Variants in OPCML observed in about 807,000 individuals in gnomAD.
The protein encoded by OPCML is opioid-binding protein/cell adhesion molecule.
Under a neutral mutation model 37.8 loss-of-function variants are expected in OPCML, and 13 were observed. That is an observed-to-expected ratio of 0.34 (90% CI 0.22 to 0.55). The LOEUF (loss-of-function observed/expected upper bound fraction) is 0.55, where lower values mean the gene tolerates loss of function less well. OPCML is among the 20% of genes least tolerant of loss of function. OPCML has a pLI of 0.91. For missense variants in OPCML, 341 were observed against 435.6 expected, an observed-to-expected ratio of 0.78 and a Z score of 1.93; for synonymous variants, 176 against 168.8, an observed-to-expected ratio of 1.04 and a Z score of -0.33.
chr11:133,264,386 C>T (rs904488461), intron 1 of OPCML, among the ~76,000 whole-genome samples: 1 of 152,214 alleles, frequency 6.6e-6, no homozygotes. Context: ...CAATCAAAGC[C>T]TTTCTCAGTG....
chr11:132,845,450 T>G (rs1002105028), intron 2 of OPCML, among the ~76,000 whole-genome samples: 3 of 152,170 alleles, frequency 2.0e-5, no homozygotes, highest in Non-Finnish European at 4.4e-5. Flanking sequence ...CATTTCAAAC[T>G]CAAATACTCT....
intron 3 of OPCML, among the ~76,000 whole-genome samples, chr11:132,589,442 A>G (rs917223137): frequency 1.5e-4 from 23 of 152,234 alleles, no homozygotes; most frequent in African/African-American, 5.5e-4. Flanking sequence ...TAACTGAATC[A>G]TGATCCCTGT....
intron 1 of OPCML, among the ~76,000 whole-genome samples, chr11:133,161,152 T>C (rs1323423626): frequency 1.3e-5 from 2 of 152,210 alleles, no homozygotes; most frequent in African/African-American, 2.4e-5. Context: ...CTGTGTTTTA[T>C]TGTGGTTTCT....
chr11:132,752,667 T>A (rs1038968424), intron 2 of OPCML, among the ~76,000 whole-genome samples: 11 of 108,724 alleles, frequency 1.0e-4, no homozygotes, highest in Middle Eastern at 8.2e-3. Context: ...TCAATGTTGT[T>A]TTTTTTTTTT....
intron 1 of OPCML, among the ~76,000 whole-genome samples, chr11:133,383,079 C>T (rs1182937430): frequency 6.6e-6 from 1 of 152,070 alleles, no homozygotes; most frequent in Non-Finnish European, 1.5e-5. Flanking sequence ...ATAACACCAA[C>T]ATCCTCCTGG....
chr11:133,462,527 CTTT>C (rs1946880896), intron 1 of OPCML, among the ~76,000 whole-genome samples: 4 of 152,052 alleles, frequency 2.6e-5, no homozygotes, highest in Non-Finnish European at 5.9e-5. Flanking sequence ...GTGCAAAGGA[CTTT>C]AATAGATATT....
chr11:133,353,409 C>T (rs534493168), intron 1 of OPCML, among the ~76,000 whole-genome samples: 176 of 152,250 alleles, frequency 1.2e-3, no homozygotes, highest in African/African-American at 3.8e-3. Context: ...ATCCACCCTC[C>T]TTGGCCTCCT....
chr11:133,443,891 T>C (rs1254184303), intron 1 of OPCML, among the ~76,000 whole-genome samples: 1 of 152,124 alleles, frequency 6.6e-6, no homozygotes, highest in Non-Finnish European at 1.5e-5. Context: ...GGAGAGTCAC[T>C]TGAGGCCAGG....
intron 1 of OPCML, among the ~76,000 whole-genome samples, chr11:133,480,270 T>C (rs773499741): frequency 1.1e-4 from 16 of 152,262 alleles, no homozygotes; most frequent in Non-Finnish European, 2.4e-4. Flanking sequence ...TCTCATGAGG[T>C]GCTATTATCA....
intron 1 of OPCML, among the ~76,000 whole-genome samples, chr11:133,263,441 G>A (rs997263588): frequency 3.3e-5 from 5 of 152,242 alleles, no homozygotes; most frequent in Admixed American, 1.3e-4. Context: ...TATAACCTAG[G>A]AGCACTGTAC....
At chr11:132,540,171 C>A (rs909755237) in intron 3 of OPCML, among the ~76,000 whole-genome samples, 8 of 152,124 alleles carry the variant, frequency 5.3e-5, no homozygotes, top group Admixed American at 3.3e-4. Flanking sequence ...ATTTGAGTGA[C>A]ATTTGGGAGT....
chr11:133,520,994 T>C (rs1235586599), intron 1 of OPCML, among the ~76,000 whole-genome samples: 1 of 152,146 alleles, frequency 6.6e-6, no homozygotes, highest in Non-Finnish European at 1.5e-5. Context: ...TCACAGACTC[T>C]TTGGCATGCA....
rs376607027 is a variant in OPCML at position 133,397,464 on chromosome 11, A to G, written c.61+134800T>C. Among the ~76,000 whole-genome samples the G allele has an allele frequency of 4.6e-5, 7 of 152,346 alleles. No homozygotes were observed. The East Asian group carries it at 7.7e-4, about 17-fold the overall frequency. ...TGTTGTATTTGTAGCTTATGTACTG[A>G]GCGGACTTCAGATAGTCCTGCTTTG... On this transcript the variant is annotated intron_variant, in intron 1 of 7. Transcript: ENST00000524381.
intron 2 of OPCML, among the ~76,000 whole-genome samples, chr11:132,820,671 T>C (rs1217711710): frequency 6.6e-6 from 1 of 152,160 alleles, no homozygotes; most frequent in Non-Finnish European, 1.5e-5. Flanking sequence ...TTTCCAGAAA[T>C]TGCTGAATTC....
intron 1 of OPCML, among the ~76,000 whole-genome samples, chr11:132,999,438 G>A (rs1946950807): frequency 6.6e-6 from 1 of 152,020 alleles, no homozygotes; most frequent in Non-Finnish European, 1.5e-5. Flanking sequence ...AGTTTGGTGT[G>A]AAATTGGCTA....
chr11:133,498,419 C>T lies in OPCML; in HGVS notation c.61+33845G>A, dbSNP rs188071617. On this transcript the variant is annotated intron_variant, in intron 1 of 7. Transcript: ENST00000524381. ...GACTGAGGCAGTGAAAGGACACAGA[C>T]GAGACCCAGAAGAGTCAGAGAAAAG... Among the ~76,000 whole-genome samples the T allele has an allele frequency of 2.6e-3, 389 of 152,250 alleles. 4 individuals are homozygous for T. The highest frequency in any genetic ancestry group is 0.01 in the Middle Eastern group (3 of 294).
intron 1 of OPCML, among the ~76,000 whole-genome samples, chr11:133,508,978 T>G (rs968163207): frequency 1.4e-5 from 2 of 141,168 alleles, no homozygotes; most frequent in Non-Finnish European, 3.0e-5. Flanking sequence ...ATAAGTTCGT[T>G]TTTTTTTTTA....
At chr11:132,899,455 C>T (rs1485256460) in intron 2 of OPCML, among the ~76,000 whole-genome samples, 3 of 152,008 alleles carry the variant, frequency 2.0e-5, no homozygotes, top group Non-Finnish European at 4.4e-5. Context: ...AACACTTTAC[C>T]TTCTCTTCTA....
At chr11:132,512,265 T>C (rs2096270440) in intron 4 of OPCML, among the ~76,000 whole-genome samples, 1 of 152,058 alleles carries the variant, frequency 6.6e-6, no homozygotes, top group African/African-American at 2.4e-5. Flanking sequence ...GGAATACAAA[T>C]TGGTACAACC....
Sources: gnomAD v4.1 joint callset for allele counts (sites outside exome capture counted in the v4.1 genomes callset) on GRCh38, gnomAD v4.1.1 for gene constraint, MANE v1.5 for transcripts, NCBI Gene and HGNC (gene_info 2026-07-23, HGNC 2026-07-21) for gene names.